Variants in DHX34 observed in about 807,000 individuals in gnomAD.
DHX34 encodes DExH-box helicase 34, also known as probable ATP-dependent RNA helicase DHX34.
A neutral mutation model predicts 111.1 loss-of-function variants in DHX34; 96 were observed. The ratio of observed to expected loss-of-function variants is 0.86; its 90% CI spans 0.73 to 1.02. The LOEUF (loss-of-function observed/expected upper bound fraction) is 1.02, where lower values mean the gene tolerates loss of function less well. DHX34 is among the 50% of genes least tolerant of loss of function. The pLI is 0.00. For missense variants in DHX34, 1,560 were observed against 1,579.9 expected (o/e 0.99, Z 0.21); for synonymous variants, 688 against 670.4 (o/e 1.03, Z -0.41).
intron 4 of DHX34, 50 bp downstream of exon 4, chr19:47,358,170 G>A: frequency 6.3e-7 from 1 of 1,575,226 alleles, no homozygotes; most frequent in Non-Finnish European, 8.6e-7. Context: ...CATGAGTCAG[G>A]GGTGGCTGCG....
intron 7 of DHX34, among the ~76,000 whole-genome samples, chr19:47,367,984 C>T (rs927664362): frequency 2.1e-4 from 31 of 151,010 alleles, no homozygotes; most frequent in Middle Eastern, 3.2e-3. Flanking sequence ...TAAAACATCA[C>T]AATTTTAACA....
At position 47,355,316 on chromosome 19, in the gene DHX34, T is replaced by C; in HGVS notation, c.983T>C (p.Val328Ala). 1 of 1,613,850 alleles carries C rather than the reference T, an allele frequency of 6.2e-7. No individual in the cohort carries two copies. The highest frequency in any genetic ancestry group is 8.5e-7 in the Non-Finnish European group (1 of 1,179,718). ...TCCAGCTATTTCAGCAATGCCCCTG[T>C]GGTACAGGTGCCTGGGAGGCTGTTC... ...LFSSYFSNAP[V>A]VQVPGRLFPI... The change falls in exon 3 of 17, where the codon GTG becomes GCG. Residue 328 changes from valine (V) to alanine (A), a missense_variant. Transcript: ENST00000328771.
At chr19:47,364,999 G>T (rs1040152009) in intron 6 of DHX34, among the ~76,000 whole-genome samples, 1 of 151,938 alleles carries the variant, frequency 6.6e-6, no homozygotes, top group Non-Finnish European at 1.5e-5. Context: ...AATTTTTAAG[G>T]CCACAGGAAC....
At chr19:47,351,254 C>T (rs1969279801) in intron 1 of DHX34, among the ~76,000 whole-genome samples, 1 of 145,386 alleles carries the variant, frequency 6.9e-6, no homozygotes, top group Admixed American at 7.1e-5. Context: ...TCTTGGCTTC[C>T]TGCAAGCTCT....
chr19:47,375,235 C>A (rs1970097277), intron 9 of DHX34: 1 of 968,808 alleles, frequency 1.0e-6, no homozygotes, highest in African/African-American at 1.8e-5. Flanking sequence ...GGAAAAGGCA[C>A]TGGACGCCCG....
intron 9 of DHX34, among the ~76,000 whole-genome samples, chr19:47,374,436 C>CAA (rs35585186): frequency 0.029 from 2,956 of 103,502 alleles, 63 homozygotes; most frequent in Middle Eastern, 0.047. Context: ...AAACTCCACT[C>CAA]AAAAAAAAAA....
chr19:47,375,047 C>G (rs1970091309), intron 9 of DHX34, among the ~76,000 whole-genome samples: 1 of 152,210 alleles, frequency 6.6e-6, no homozygotes, highest in East Asian at 1.9e-4. Context: ...CCTCCTCTCT[C>G]CACTTGGTCG....
intron 5 of DHX34, 79 bp from the exon 6 acceptor site, chr19:47,362,397 G>A: frequency 5.7e-6 from 8 of 1,409,536 alleles, no homozygotes; most frequent in Non-Finnish European, 7.4e-6. Context: ...GGGTGTTGGC[G>A]AGTGACAAGA....
intron 2 of DHX34, 96 bp from the exon 3 acceptor site, chr19:47,354,943 C>A (rs1047623904): frequency 6.5e-7 from 1 of 1,541,986 alleles, no homozygotes; most frequent in Non-Finnish European, 8.7e-7. Flanking sequence ...CGTGAGCCAC[C>A]GCACCCGGCC....
intron 3 of DHX34, among the ~76,000 whole-genome samples, chr19:47,357,087 C>G (rs2972603): frequency 8.7e-4 from 133 of 152,190 alleles, no homozygotes; most frequent in Non-Finnish European, 1.2e-3. Context: ...CTTGGCCTCC[C>G]AAAGAGCTAG....
chr19:47,349,931 G>A (rs1969233731), intron 1 of DHX34, among the ~76,000 whole-genome samples: 1 of 152,134 alleles, frequency 6.6e-6, no homozygotes, highest in Non-Finnish European at 1.5e-5. Context: ...CGAGGGAGTG[G>A]AGCCCGAACC....
At chr19:47,357,601 C>T in intron 3 of DHX34, 1 of 340,432 alleles carries the variant, frequency 2.9e-6, no homozygotes, top group Non-Finnish European at 4.2e-6. Flanking sequence ...CAGGACAGCC[C>T]CCACGACAAG....
Position 47,382,415 on chromosome 19 carries a change from C to A in DHX34, c.*302C>A. 2.9e-6 allele frequency: 1 copy of A among 345,482 alleles called. No homozygotes were observed. The highest frequency in any genetic ancestry group is 5.3e-6 in the Non-Finnish European group (1 of 188,202). The allele number at this position is 345,482 out of a possible 1,614,324, so 21.4% of individuals were successfully genotyped here. A position where few individuals can be genotyped will look rare whatever the true frequency, so the allele number is the denominator to read the frequency against. ...TGGGTAGGAGGGGCGTTAGAGCCAG[C>A]AGGGACCTCCCATGTCTCCAGATTC... On this transcript the variant is annotated 3_prime_UTR_variant, in exon 17 of 17. Transcript: ENST00000328771.
intron 7 of DHX34, among the ~76,000 whole-genome samples, chr19:47,370,442 C>G (rs1027852090): frequency 8.5e-5 from 13 of 152,224 alleles, no homozygotes; most frequent in Non-Finnish European, 1.6e-4. Flanking sequence ...ATGCTCACCC[C>G]TCCCGGGGAG....
intron 4 of DHX34, among the ~76,000 whole-genome samples, chr19:47,359,197 G>T (rs748529423): frequency 1.1e-4 from 16 of 152,162 alleles, no homozygotes; most frequent in Non-Finnish European, 1.6e-4. Flanking sequence ...TGGTACATTG[G>T]CTCATGCCTA....
At chr19:47,374,882 T>G (rs1046831883) in intron 9 of DHX34, among the ~76,000 whole-genome samples, 54 of 152,222 alleles carry the variant, frequency 3.5e-4, no homozygotes, top group Non-Finnish European at 2.9e-4. Flanking sequence ...CCTCCATCGG[T>G]CAGGGCTCAG....
rs1255944250 is a variant in DHX34, at chr19:47,352,994, G to T, written c.-37G>T. ...GAATGGATGAGAATATTTGTTTTGG[G>T]TGATCAGAACTGAGACTCCTATTGT... On this transcript the variant is annotated 5_prime_UTR_variant, in exon 2 of 17. Coordinates refer to ENST00000328771, the MANE Select transcript of DHX34 (RefSeq NM_014681.6). 1.9e-6 allele frequency: 3 copies of T among 1,576,232 alleles called. No individual in the cohort carries two copies. The highest frequency in any genetic ancestry group is 1.1e-5 in the South Asian group (1 of 87,586).
intron 6 of DHX34, among the ~76,000 whole-genome samples, chr19:47,365,270 G>T (rs1969757571): frequency 6.7e-6 from 1 of 150,066 alleles, no homozygotes; most frequent in Non-Finnish European, 1.5e-5. Flanking sequence ...ATTTATTTTT[G>T]GGACAGAGTC....
rs1175845195 is a variant in DHX34 at position 47,380,845 on chromosome 19, G to A, written c.3012G>A (p.Gly1004=). The change falls in exon 15 of 17, where the codon GGG becomes GGA. Residue 1004 remains glycine (G), a synonymous_variant. Transcript: ENST00000328771. ...KIPYSLRRLT[G]LEVQNMYVGP... is the part of the protein sequence containing the mutation. ...CTTACAGCCTCCGGCGGCTCACAGG[G>A]CTAGAAGTCCAGAACATGTATGTGG... The A allele has an allele frequency of 1.2e-6, 2 of 1,613,776 alleles. No homozygotes were observed. The highest frequency in any genetic ancestry group is 1.7e-6 in the Non-Finnish European group (2 of 1,179,904).
Sources: gnomAD v4.1 joint callset for allele counts (sites outside exome capture counted in the v4.1 genomes callset) on GRCh38, gnomAD v4.1.1 for gene constraint, MANE v1.5 for transcripts, NCBI Gene and HGNC (gene_info 2026-07-23, HGNC 2026-07-21) for gene names.